Variants in PCDH11X observed in about 807,000 individuals in gnomAD.
PCDH11X encodes the protein protocadherin 11 X-linked, also known as protocadherin-11 X-linked.
Under a neutral mutation model 53.3 loss-of-function variants are expected in PCDH11X, and 18 were observed. The ratio of observed to expected loss-of-function variants is 0.34; its 90% CI spans 0.23 to 0.50. PCDH11X has a LOEUF of 0.50. PCDH11X is among the 20% of genes least tolerant of loss of function. The pLI is 0.98. For missense variants in PCDH11X, 570 were observed against 1,032.4 expected, an observed-to-expected ratio of 0.55 and a Z score of 6.14; for synonymous variants, 279 against 393.3, an observed-to-expected ratio of 0.71 and a Z score of 3.44.
intron 8 of PCDH11X, among the ~76,000 whole-genome samples, chrX:92,320,405 T>C (rs768818655): frequency 9.0e-6 from 1 of 110,529 alleles, no homozygotes; most frequent in Non-Finnish European, 1.9e-5. Context: ...TCTCTCTCTC[T>C]CTCTTTCTTT....
intron 6 of PCDH11X, among the ~76,000 whole-genome samples, chrX:92,200,642 C>CG (rs2148321531): frequency 9.0e-6 from 1 of 111,517 alleles, no homozygotes; most frequent in Admixed American, 9.6e-5. Flanking sequence ...TGAGGATCTG[C>CG]GTCCTCAATG....
chrX:92,493,501 T>C (rs1314866129), intron 10 of PCDH11X, among the ~76,000 whole-genome samples: 1 of 109,475 alleles, frequency 9.1e-6, no homozygotes, highest in Non-Finnish European at 1.9e-5. Flanking sequence ...TAGAAGTCAA[T>C]AAGGTAGTAA....
At chrX:92,266,743 C>CT (rs201826040) in intron 8 of PCDH11X, among the ~76,000 whole-genome samples, 10,156 of 98,157 alleles carry the variant, frequency 0.1, 925 homozygotes, top group African/African-American at 0.25. Context: ...TACTTATTTT[C>CT]TTTTTTTTTT....
intron 7 of PCDH11X, among the ~76,000 whole-genome samples, chrX:92,201,953 A>G (rs1349187338): frequency 9.0e-6 from 1 of 111,603 alleles, no homozygotes; most frequent in Non-Finnish European, 1.9e-5. Flanking sequence ...ACTGAGGAAC[A>G]TAAGGTTGAG....
chrX:91,903,996 C>T (rs774403870), intron 6 of PCDH11X, among the ~76,000 whole-genome samples: 35 of 109,164 alleles, frequency 3.2e-4, no homozygotes, highest in Admixed American at 6.0e-4. Context: ...CTAAGATAAT[C>T]AGGAGTGTAA....
intron 5 of PCDH11X, among the ~76,000 whole-genome samples, chrX:91,852,089 C>T (rs1231982385): frequency 3.9e-5 from 4 of 101,611 alleles, no homozygotes; most frequent in South Asian, 9.8e-4. Flanking sequence ...TCTCGGCTCA[C>T]TACAACCTCC....
At chrX:92,356,476 C>T (rs1451452681) in intron 8 of PCDH11X, among the ~76,000 whole-genome samples, 1 of 78,420 alleles carries the variant, frequency 1.3e-5, no homozygotes, top group East Asian at 3.1e-4. Flanking sequence ...AGAGTAGAAT[C>T]GCCTTGTAAT....
In PCDH11X at chrX:91,995,918, T is replaced by A. The variant is rs184745510; in HGVS notation, c.3033+116645T>A. Among the ~76,000 whole-genome samples, 622 of 105,002 alleles carry A rather than the reference T, an allele frequency of 5.9e-3. 4 individuals carry two copies. Among genetic ancestry groups the A allele is most frequent in the African/African-American group, 0.021 (595 of 28,592 alleles). 91.2% of individuals were successfully genotyped at this position (105,002 alleles called of 115,157 possible). On this transcript the variant is annotated intron_variant, in intron 6 of 10. Transcript: ENST00000682573. ...AGGCTGGAGTGCAGTGGCGCGATCT[T>A]GGCTCACTGCAAGCTCCACCTCCCA...
At chrX:92,551,721 AT>A (rs1344261555) in intron 10 of PCDH11X, among the ~76,000 whole-genome samples, 8 of 110,815 alleles carry the variant, frequency 7.2e-5, no homozygotes, top group African/African-American at 2.6e-4. Flanking sequence ...TTTTGATTTT[AT>A]TTTTGTATAG....
chrX:92,473,198 G>A (rs1229104724), intron 10 of PCDH11X, among the ~76,000 whole-genome samples: 1 of 107,741 alleles, frequency 9.3e-6, no homozygotes, highest in African/African-American at 3.4e-5. Context: ...TAGGCTATAT[G>A]TGTCTAGGAT....
At chrX:92,240,787 C>T (rs6618930) in intron 7 of PCDH11X, among the ~76,000 whole-genome samples, 1,539 of 110,801 alleles carry the variant, frequency 0.014, 23 homozygotes, top group African/African-American at 0.048. Flanking sequence ...TATGGCTGTG[C>T]TAAGGGAAAA....
intron 8 of PCDH11X, among the ~76,000 whole-genome samples, chrX:92,366,938 G>T (rs1347389697): frequency 9.0e-6 from 1 of 110,630 alleles, no homozygotes; most frequent in Non-Finnish European, 1.9e-5. Flanking sequence ...TAGAATAAGT[G>T]CTATGTATGT....
intron 1 of PCDH11X, among the ~76,000 whole-genome samples, 45 bp from the exon 2 acceptor site, chrX:91,809,421 G>A (rs879122099): frequency 2.7e-5 from 3 of 110,971 alleles, no homozygotes; most frequent in Non-Finnish European, 5.7e-5. Context: ...CAAATCTTGT[G>A]TTATCTCCCC....
At chrX:92,001,399 T>C (rs1272711227) in intron 6 of PCDH11X, among the ~76,000 whole-genome samples, 1 of 111,048 alleles carries the variant, frequency 9.0e-6, no homozygotes, top group Non-Finnish European at 1.9e-5. Context: ...TCTATTCAAA[T>C]CTTTTGCTCA....
At chrX:91,858,328 C>T (rs910858231) in intron 5 of PCDH11X, among the ~76,000 whole-genome samples, 1 of 111,527 alleles carries the variant, frequency 9.0e-6, no homozygotes, top group African/African-American at 3.3e-5. Context: ...ATGGGAGAGG[C>T]TGCCATGAAA....
intron 7 of PCDH11X, among the ~76,000 whole-genome samples, chrX:92,249,439 C>T (rs1259397732): frequency 8.9e-6 from 1 of 112,070 alleles, no homozygotes; most frequent in East Asian, 2.8e-4. Context: ...TATCTTTATG[C>T]AAAATTCAAA....
At chrX:92,511,553 T>C (rs2074162013) in intron 10 of PCDH11X, among the ~76,000 whole-genome samples, 1 of 111,944 alleles carries the variant, frequency 8.9e-6, no homozygotes, top group Non-Finnish European at 1.9e-5. Context: ...CACAGAGTAT[T>C]TTCTAAATTA....
intron 6 of PCDH11X, among the ~76,000 whole-genome samples, chrX:91,922,785 G>A (rs889994881): frequency 9.9e-5 from 11 of 111,544 alleles, no homozygotes; most frequent in African/African-American, 3.6e-4. Flanking sequence ...CAAAAGCTGA[G>A]GACCCCTGCT....
At chrX:92,402,776 A>G (rs1389880618) in intron 9 of PCDH11X, among the ~76,000 whole-genome samples, 2 of 111,190 alleles carry the variant, frequency 1.8e-5, no homozygotes, top group Non-Finnish European at 3.8e-5. Flanking sequence ...ACAAATGGGA[A>G]TCTAATTTAA....
Sources: allele counts gnomAD v4.1 joint callset (sites outside exome capture counted in the v4.1 genomes callset), GRCh38; gene constraint gnomAD v4.1.1; transcripts MANE v1.5; gene names NCBI Gene and HGNC (gene_info 2026-07-23, HGNC 2026-07-21).